The following STX12 variants were observed in gnomAD, a reference collection of about 807,000 sequenced individuals.
STX12 encodes syntaxin-12.
Under a neutral mutation model 42.2 loss-of-function variants are expected in STX12, and 17 were observed. The observed-to-expected ratio is 0.40, with a 90% CI of 0.28 to 0.60. STX12 has a LOEUF of 0.60. Ranked by LOEUF, STX12 falls within the 20% of genes least tolerant of loss-of-function variation. STX12 has a pLI of 0.39. For missense variants in STX12, 297 were observed against 330.9 expected (o/e 0.90, Z 0.79); for synonymous variants, 108 against 116.7 (o/e 0.93, Z 0.48).
intron 2 of STX12, among the ~76,000 whole-genome samples, chr1:27,792,321 CATATATATGTATCTAT>C: frequency 2.4e-5 from 3 of 126,396 alleles, no homozygotes; most frequent in South Asian, 4.8e-4. Context: ...TATGTAGATA[CATATATATGTATCTAT>C]ATATATGTAG....
intron 6 of STX12, among the ~76,000 whole-genome samples, chr1:27,816,531 C>T (rs1194519800): frequency 2.1e-5 from 3 of 144,976 alleles, no homozygotes; most frequent in Non-Finnish European, 4.5e-5. Context: ...GGAGGCTGGG[C>T]GCGGTGGATC....
At chr1:27,795,952 AG>A (rs1176938936) in intron 3 of STX12, among the ~76,000 whole-genome samples, 1 of 152,208 alleles carries the variant, frequency 6.6e-6, no homozygotes, top group African/African-American at 2.4e-5. Context: ...ACAAAAAAGG[AG>A]TTGAAGGGTC....
Position 27,808,989 on chromosome 1 carries a change from A to G in STX12, c.427-1257A>G, listed in dbSNP as rs187604697. Among the ~76,000 whole-genome samples the G allele has an allele frequency of 1.6e-4, 25 of 152,346 alleles. 1 individual carries two copies. In the South Asian group the frequency reaches 2.1e-3, roughly 13 times the overall value. On this transcript the variant is annotated intron_variant, in intron 4 of 8. Transcript: ENST00000373943. Reference sequence around the variant, plus strand: ...ATAATATACAGAATAATAGTTCCCAATAAGTTCTGTTAAATCAAAATCTGC... The same window carrying G: ...ATAATATACAGAATAATAGTTCCCAGTAAGTTCTGTTAAATCAAAATCTGC...
intron 1 of STX12, among the ~76,000 whole-genome samples, chr1:27,775,792 T>G (rs766210980): frequency 1.3e-5 from 2 of 152,098 alleles, no homozygotes; most frequent in Non-Finnish European, 2.9e-5. Flanking sequence ...ATGGAAAGAT[T>G]TGGACCTTCG....
At chr1:27,786,738 A>T (rs2088701848) in intron 1 of STX12, among the ~76,000 whole-genome samples, 1 of 152,192 alleles carries the variant, frequency 6.6e-6, no homozygotes, top group Non-Finnish European at 1.5e-5. Flanking sequence ...ATACTTACTT[A>T]AAGGATTGTT....
chr1:27,812,730 C>T (rs1034499931), intron 6 of STX12, among the ~76,000 whole-genome samples: 11 of 152,120 alleles, frequency 7.2e-5, no homozygotes, highest in Middle Eastern at 6.8e-3. Flanking sequence ...CGTGAGTCAC[C>T]GCTCCTGGCA....
At position 27,822,248 on chromosome 1, in the gene STX12, G is replaced by A; in HGVS notation, c.750G>A (p.Lys250=). Residue 250 remains lysine (K), a synonymous_variant, in exon 9 of 9, where the codon AAG becomes AAA. Transcript: ENST00000373943. ...AAYYQKKSRK[K]MCILVLVLSV... Reference sequence around the variant, plus strand: ...TTCCTCAGAAAAAATCTCGCAAGAAGATGTGTATCCTGGTGCTTGTCCTGT... The same window carrying A: ...TTCCTCAGAAAAAATCTCGCAAGAAAATGTGTATCCTGGTGCTTGTCCTGT... 1.9e-6 allele frequency: 3 copies of A among 1,612,108 alleles called. No homozygotes were observed. Among genetic ancestry groups the A allele is most frequent in the South Asian group, 2.2e-5 (2 of 91,002 alleles).
intron 1 of STX12, among the ~76,000 whole-genome samples, chr1:27,775,354 C>T (rs1445901964): frequency 6.6e-6 from 1 of 152,202 alleles, no homozygotes; most frequent in Non-Finnish European, 1.5e-5. Flanking sequence ...TCACTGCAGC[C>T]TCAACCTCCC....
chr1:27,784,844 G>A (rs544587266), intron 1 of STX12, among the ~76,000 whole-genome samples: 23 of 152,096 alleles, frequency 1.5e-4, no homozygotes, highest in African/African-American at 4.8e-4. Context: ...AAGTGTTAAG[G>A]CTTAGATTAA....
chr1:27,786,142 A>G (rs963995303), intron 1 of STX12, among the ~76,000 whole-genome samples: 9 of 152,156 alleles, frequency 5.9e-5, no homozygotes, highest in Non-Finnish European at 8.8e-5. Context: ...TTAAAATTCA[A>G]AGTCCTCATA....
intron 5 of STX12, among the ~76,000 whole-genome samples, chr1:27,810,531 G>A (rs1376053520): frequency 6.6e-6 from 1 of 152,152 alleles, no homozygotes. Flanking sequence ...TGATGTCTAT[G>A]TGTTAAGCAG....
intron 1 of STX12, among the ~76,000 whole-genome samples, chr1:27,781,980 A>G (rs977536629): frequency 6.6e-6 from 1 of 152,128 alleles, no homozygotes; most frequent in Non-Finnish European, 1.5e-5. Context: ...CCATATGAAG[A>G]TTCTCTTATT....
At chr1:27,806,847 G>C (rs2088865472) in intron 4 of STX12, among the ~76,000 whole-genome samples, 1 of 152,272 alleles carries the variant, frequency 6.6e-6, no homozygotes, top group East Asian at 1.9e-4. Flanking sequence ...CATGGTGGCA[G>C]GAGAAAGAGA....
At chr1:27,779,755 A>G (rs967951219) in intron 1 of STX12, among the ~76,000 whole-genome samples, 10 of 150,446 alleles carry the variant, frequency 6.6e-5, no homozygotes, top group African/African-American at 1.7e-4. Flanking sequence ...TCTCAACTCT[A>G]TCTTTCAGTT....
Position 27,773,350 on chromosome 1 carries a change from T to TCGGGGCCCC in STX12, c.44_52dup (p.Pro17_Gln18insProGlyPro). Reference sequence around the variant, plus strand: ...AGACATGTACCGGAACCCGGGGCCCTCGGGGCCCCAGCTCCGGGACTTCAG... The same window carrying TCGGGGCCCC: ...AGACATGTACCGGAACCCGGGGCCCTCGGGGCCCCCGGGGCCCCAGCTCCGGGACTTCAG... On this transcript the variant is annotated inframe_insertion, in exon 1 of 9. Transcript: ENST00000373943. The TCGGGGCCCC allele has an allele frequency of 1.9e-6, 3 of 1,612,326 alleles. No individual in the cohort carries two copies. Among genetic ancestry groups the TCGGGGCCCC allele is most frequent in the Non-Finnish European group, 2.5e-6 (3 of 1,179,032 alleles).
intron 1 of STX12, among the ~76,000 whole-genome samples, chr1:27,779,566 A>C (rs551922044): frequency 6.6e-6 from 1 of 152,170 alleles, no homozygotes; most frequent in Non-Finnish European, 1.5e-5. Context: ...TCCTGACCTC[A>C]GATGATCCAC....
At chr1:27,804,277 T>G (rs1336454154) in intron 4 of STX12, among the ~76,000 whole-genome samples, 1 of 149,896 alleles carries the variant, frequency 6.7e-6, no homozygotes, top group Non-Finnish European at 1.5e-5. Flanking sequence ...AAATACAAAA[T>G]TAGCCGCGCA....
chr1:27,814,438 A>AG (rs35840703), intron 6 of STX12, among the ~76,000 whole-genome samples: 100,892 of 152,020 alleles, frequency 0.66, 35,776 homozygotes, highest in African/African-American at 0.91. Flanking sequence ...CTGAGGCAGA[A>AG]GATCACTTGA....
intron 6 of STX12, among the ~76,000 whole-genome samples, chr1:27,814,286 AG>A (rs1305450616): frequency 6.6e-6 from 1 of 151,358 alleles, no homozygotes; most frequent in East Asian, 1.9e-4. Flanking sequence ...AATCCCGGCA[AG>A]TTGGAGGCTG....
Sources: allele counts gnomAD v4.1 joint callset (sites outside exome capture counted in the v4.1 genomes callset), GRCh38; gene constraint gnomAD v4.1.1; transcripts MANE v1.5; gene names NCBI Gene and HGNC (gene_info 2026-07-23, HGNC 2026-07-21).